PDE4D: variants seen among roughly 807,000 people sequenced by gnomAD.
The protein encoded by PDE4D is phosphodiesterase 4D.
A neutral mutation model predicts 87.4 loss-of-function variants in PDE4D; 24 were observed. That is an observed-to-expected ratio of 0.27 (90% CI 0.20 to 0.39). The LOEUF (loss-of-function observed/expected upper bound fraction) is 0.39, where lower values mean the gene tolerates loss of function less well. Ranked by LOEUF, PDE4D falls within the 10% of genes least tolerant of loss-of-function variation. The probability of loss-of-function intolerance (pLI) is 1.00; values close to 1 mark genes in which losing one functional copy is unlikely to be tolerated. For missense variants in PDE4D, 714 were observed against 1,041.0 expected (o/e 0.69, Z 4.32); for synonymous variants, 384 against 383.2 (o/e 1.00, Z -0.02).
chr5:59,134,741 C>T (rs1776786410), intron 5 of PDE4D, among the ~76,000 whole-genome samples: 1 of 152,104 alleles, frequency 6.6e-6, no homozygotes, highest in Non-Finnish European at 1.5e-5. Context: ...TGATTCATTC[C>T]ACATTATATA....
At chr5:59,657,839 T>C (rs551562859) in intron 1 of PDE4D, among the ~76,000 whole-genome samples, 1 of 152,320 alleles carries the variant, frequency 6.6e-6, no homozygotes, top group East Asian at 1.9e-4. Context: ...TAAGGCTTTT[T>C]CTGAATCACA....
At chr5:59,019,469 G>T (rs1487707905) in intron 6 of PDE4D, among the ~76,000 whole-genome samples, 2 of 152,156 alleles carry the variant, frequency 1.3e-5, no homozygotes, top group Non-Finnish European at 2.9e-5. Flanking sequence ...ATTTAAGACA[G>T]TCTGCAGTAT....
chr5:59,139,811 T>TA (rs374957367), intron 5 of PDE4D, among the ~76,000 whole-genome samples: 1 of 151,836 alleles, frequency 6.6e-6, no homozygotes, highest in Non-Finnish European at 1.5e-5. Flanking sequence ...ACTAAAAAAC[T>TA]AAAAAAACTA....
chr5:60,313,770 T>C (rs1382981311), intron 1 of PDE4D, among the ~76,000 whole-genome samples: 3 of 152,174 alleles, frequency 2.0e-5, no homozygotes, highest in Non-Finnish European at 4.4e-5. Context: ...ATCCCTGGGA[T>C]ACAAAGTTAG....
At chr5:60,297,435 A>G (rs921792527) in intron 1 of PDE4D, among the ~76,000 whole-genome samples, 4 of 152,272 alleles carry the variant, frequency 2.6e-5, no homozygotes, top group Admixed American at 2.6e-4. Context: ...GGGAGAAAAT[A>G]CTCTGAAATT....
intron 1 of PDE4D, among the ~76,000 whole-genome samples, chr5:59,742,820 T>C (rs954814225): frequency 2.6e-5 from 4 of 152,184 alleles, no homozygotes; most frequent in African/African-American, 9.7e-5. Flanking sequence ...GCTGGAAACA[T>C]TTCTTTATAT....
At chr5:59,217,252 A>C (rs898680001) in intron 1 of PDE4D, 7 of 455,908 alleles carry the variant, frequency 1.5e-5, no homozygotes, top group African/African-American at 1.2e-4. Context: ...GTGGTTTTAA[A>C]GAAAAACTTG....
intron 6 of PDE4D, among the ~76,000 whole-genome samples, chr5:59,025,390 A>C (rs1375120619): frequency 6.6e-6 from 1 of 152,236 alleles, no homozygotes; most frequent in Non-Finnish European, 1.5e-5. Context: ...AGGCACAGAC[A>C]ACACAAGTTA....
chr5:59,199,385 G>A (rs573666605), intron 2 of PDE4D, among the ~76,000 whole-genome samples: 7 of 151,880 alleles, frequency 4.6e-5, no homozygotes, highest in East Asian at 3.9e-4. Flanking sequence ...GCACCACCGC[G>A]CTGGCCGAAT....
At chr5:59,342,551 A>G (rs1163505631) in intron 1 of PDE4D, among the ~76,000 whole-genome samples, 1 of 152,134 alleles carries the variant, frequency 6.6e-6, no homozygotes, top group Non-Finnish European at 1.5e-5. Flanking sequence ...GATGAGATCT[A>G]TTTTTAAAGT....
chr5:60,296,394 A>G (rs1753386780), intron 1 of PDE4D, among the ~76,000 whole-genome samples: 1 of 152,194 alleles, frequency 6.6e-6, no homozygotes, highest in Non-Finnish European at 1.5e-5. Flanking sequence ...CAATTAGAGA[A>G]AATGTCTTGA....
chr5:59,224,106 T>C (rs1357777651), intron 1 of PDE4D, among the ~76,000 whole-genome samples: 1 of 106,404 alleles, frequency 9.4e-6, no homozygotes, highest in African/African-American at 4.1e-5. Flanking sequence ...GGCAACATGA[T>C]GAAACCCTGT....
At chr5:59,157,446 T>C (rs1315393922) in intron 5 of PDE4D, 4 of 669,100 alleles carry the variant, frequency 6.0e-6, no homozygotes, top group East Asian at 2.7e-5. Context: ...AGAGTTACTA[T>C]TGTAAACCAC....
chr5:60,343,325 A>G (rs1157025297), intron 1 of PDE4D, among the ~76,000 whole-genome samples: 10 of 152,174 alleles, frequency 6.6e-5, no homozygotes. Flanking sequence ...TGAAATGACT[A>G]GCAACCTGAC....
At chr5:59,171,880 ATATT>A (rs1419252481) in intron 5 of PDE4D, among the ~76,000 whole-genome samples, 628 of 60,022 alleles carry the variant, frequency 0.01, 29 homozygotes, top group African/African-American at 0.063. Flanking sequence ...TATGAGAAAT[ATATT>A]TATTATATAA....
chr5:59,127,210 G>A (rs1040479463), intron 5 of PDE4D, among the ~76,000 whole-genome samples: 2 of 152,172 alleles, frequency 1.3e-5, no homozygotes, highest in Non-Finnish European at 2.9e-5. Flanking sequence ...TGGGGGAAGA[G>A]TGATTGTTGC....
At chr5:59,004,018 G>C (rs1751065459) in intron 6 of PDE4D, among the ~76,000 whole-genome samples, 1 of 150,498 alleles carries the variant, frequency 6.6e-6, no homozygotes, top group Non-Finnish European at 1.5e-5. Context: ...ACAAACTTAA[G>C]ACTCAGTTAC....
At position 59,087,738 on chromosome 5, in the gene PDE4D, C is replaced by T. The variant is rs72762606; in HGVS notation, c.809-48767G>A. On this transcript the variant is annotated intron_variant, in intron 5 of 14. Transcript: ENST00000340635. ...ACTCCTTCCCCATCACCTATAGTGCCACAATCTGTAACCTGTTTGAGGCTC... is the reference window on the plus strand; with the variant it reads ...ACTCCTTCCCCATCACCTATAGTGCTACAATCTGTAACCTGTTTGAGGCTC... Among the ~76,000 whole-genome samples the T allele has an allele frequency of 5.9e-3, 893 of 152,230 alleles. 5 individuals are homozygous for T. Among genetic ancestry groups the T allele is most frequent in the Admixed American group, 8.6e-3 (132 of 15,280 alleles).
chr5:60,146,244 A>C (rs1780990712), intron 2 of PDE4D, among the ~76,000 whole-genome samples: 1 of 152,178 alleles, frequency 6.6e-6, no homozygotes, highest in South Asian at 2.1e-4. Flanking sequence ...AAAATTACAG[A>C]GGAATTATGT....
Sources: gnomAD v4.1 joint callset for allele counts (sites outside exome capture counted in the v4.1 genomes callset) on GRCh38, gnomAD v4.1.1 for gene constraint, MANE v1.5 for transcripts, NCBI Gene and HGNC (gene_info 2026-07-23, HGNC 2026-07-21) for gene names.